The following NKAIN2 variants were observed in gnomAD, a reference collection of about 807,000 sequenced individuals.
NKAIN2 encodes the protein sodium/potassium transporting ATPase interacting 2, also known as sodium/potassium-transporting ATPase subunit beta-1-interacting protein 2.
A neutral mutation model predicts 32.6 loss-of-function variants in NKAIN2; 14 were observed. The observed-to-expected ratio is 0.43, with a 90% CI of 0.28 to 0.67. The LOEUF (loss-of-function observed/expected upper bound fraction) is 0.67, where lower values mean the gene tolerates loss of function less well. NKAIN2 is among the 30% of genes least tolerant of loss of function. The probability of loss-of-function intolerance (pLI) is 0.17; values close to 1 mark genes in which losing one functional copy is unlikely to be tolerated. For synonymous variants in NKAIN2, 80 were observed against 87.2 expected, an observed-to-expected ratio of 0.92 and a Z score of 0.46; for missense variants, 198 against 258.3, an observed-to-expected ratio of 0.77 and a Z score of 1.60.
At chr6:124,656,121 A>G (rs1454399297) in intron 3 of NKAIN2, among the ~76,000 whole-genome samples, 1 of 152,142 alleles carries the variant, frequency 6.6e-6, no homozygotes, top group Non-Finnish European at 1.5e-5. Context: ...ATTTTGAGAA[A>G]AATAACATAA....
intron 1 of NKAIN2, among the ~76,000 whole-genome samples, chr6:124,240,150 A>G (rs1267122471): frequency 6.6e-6 from 1 of 152,208 alleles, no homozygotes; most frequent in Non-Finnish European, 1.5e-5. Flanking sequence ...TCTAGAAGAA[A>G]TGGATAAATT....
chr6:124,653,300 A>G (rs1784428473), intron 3 of NKAIN2, among the ~76,000 whole-genome samples: 1 of 152,114 alleles, frequency 6.6e-6, no homozygotes, highest in Non-Finnish European at 1.5e-5. Flanking sequence ...AGAAGAGACA[A>G]ATAGATCAAT....
chr6:124,075,443 G>C (rs942741390), intron 1 of NKAIN2, among the ~76,000 whole-genome samples: 2 of 152,076 alleles, frequency 1.3e-5, no homozygotes, highest in African/African-American at 4.8e-5. Flanking sequence ...TCTGAAATCT[G>C]TTACTGAAGT....
At chr6:124,279,784 G>A (rs1389527679) in intron 1 of NKAIN2, among the ~76,000 whole-genome samples, 2 of 151,870 alleles carry the variant, frequency 1.3e-5, no homozygotes, top group Non-Finnish European at 2.9e-5. Flanking sequence ...GATATTGATC[G>A]AATACTCAAT....
At chr6:124,169,921 GC>G (rs1788762298) in intron 1 of NKAIN2, among the ~76,000 whole-genome samples, 1 of 152,086 alleles carries the variant, frequency 6.6e-6, no homozygotes, top group African/African-American at 2.4e-5. Context: ...GTCAGCTTGG[GC>G]CGAGGCCTAA....
At chr6:124,720,781 C>T (rs1775975786) in intron 4 of NKAIN2, among the ~76,000 whole-genome samples, 1 of 152,110 alleles carries the variant, frequency 6.6e-6, no homozygotes, top group African/African-American at 2.4e-5. Context: ...CAGGTGGTTC[C>T]ATTTGGTGAA....
At chr6:123,811,681 T>C (rs528042997) in intron 1 of NKAIN2, among the ~76,000 whole-genome samples, 1 of 152,056 alleles carries the variant, frequency 6.6e-6, no homozygotes, top group African/African-American at 2.4e-5. Context: ...AAAGTTAACA[T>C]CTTTACAGTT....
In NKAIN2 at chr6:124,211,607, T is replaced by C. The variant is rs534271828; in HGVS notation, c.55-71398T>C. On this transcript the variant is annotated intron_variant, in intron 1 of 6. Transcript: ENST00000368417. Reference sequence around the variant, plus strand: ...AGAGTTCTTTGCCACCTACCTATATTACTAAGGGCTTCTTTGAGGATTTTG... The same window carrying C: ...AGAGTTCTTTGCCACCTACCTATATCACTAAGGGCTTCTTTGAGGATTTTG... Among the ~76,000 whole-genome samples, 3 of 152,120 alleles carry C rather than the reference T, an allele frequency of 2.0e-5. No individual in the cohort carries two copies. In the South Asian group the frequency reaches 6.2e-4, roughly 31 times the overall value.
chr6:124,567,226 C>A (rs889763156), intron 3 of NKAIN2, among the ~76,000 whole-genome samples: 1 of 152,170 alleles, frequency 6.6e-6, no homozygotes, highest in Non-Finnish European at 1.5e-5. Flanking sequence ...TCTACCTACC[C>A]AGACTGCTTA....
chr6:124,331,445 C>T (rs1056369429), intron 2 of NKAIN2, among the ~76,000 whole-genome samples: 42 of 136,900 alleles, frequency 3.1e-4, no homozygotes, highest in East Asian at 2.2e-4. Context: ...AGGAGAATGG[C>T]GTGAACCTGC....
At chr6:124,343,163 A>T (rs574863545) in intron 2 of NKAIN2, among the ~76,000 whole-genome samples, 2 of 152,162 alleles carry the variant, frequency 1.3e-5, no homozygotes, top group Admixed American at 1.3e-4. Flanking sequence ...ACATGAACTC[A>T]TCATTTTTTA....
At chr6:124,700,785 C>T (rs1774740358) in intron 4 of NKAIN2, among the ~76,000 whole-genome samples, 1 of 151,620 alleles carries the variant, frequency 6.6e-6, no homozygotes, top group Admixed American at 6.6e-5. Flanking sequence ...CATTTTCCAA[C>T]CTCAGATAAC....
intron 4 of NKAIN2, among the ~76,000 whole-genome samples, chr6:124,678,276 A>T (rs140970197): frequency 1.1e-4 from 17 of 152,210 alleles, no homozygotes; most frequent in Non-Finnish European, 2.4e-4. Flanking sequence ...GTTTGGGGGC[A>T]CTATTTTTTC....
intron 1 of NKAIN2, among the ~76,000 whole-genome samples, chr6:124,238,169 A>AG (rs1447333169): frequency 1.3e-5 from 2 of 151,998 alleles, no homozygotes; most frequent in East Asian, 1.9e-4. Context: ...AAGGTTAGCC[A>AG]GGGGGGAAGA....
chr6:124,693,050 C>T (rs1774335651), intron 4 of NKAIN2, among the ~76,000 whole-genome samples: 1 of 152,156 alleles, frequency 6.6e-6, no homozygotes, highest in Non-Finnish European at 1.5e-5. Context: ...ACTTCTATCT[C>T]AAATCACATT....
At chr6:124,711,186 C>T (rs1025520240) in intron 4 of NKAIN2, among the ~76,000 whole-genome samples, 1 of 136,762 alleles carries the variant, frequency 7.3e-6, no homozygotes, top group Non-Finnish European at 1.6e-5. Flanking sequence ...TGTAGCGTTT[C>T]TGCTGAGAGA....
intron 1 of NKAIN2, among the ~76,000 whole-genome samples, chr6:124,151,100 T>A (rs906267088): frequency 1.3e-5 from 2 of 152,044 alleles, no homozygotes; most frequent in African/African-American, 4.8e-5. Flanking sequence ...TCTGATGGGA[T>A]CTTCATATCA....
intron 1 of NKAIN2, among the ~76,000 whole-genome samples, chr6:124,037,533 A>T (rs192663402): frequency 5.9e-5 from 9 of 152,218 alleles, no homozygotes; most frequent in East Asian, 5.8e-4. Context: ...GTCTCATTTT[A>T]AAAAAATTCT....
intron 1 of NKAIN2, among the ~76,000 whole-genome samples, chr6:124,099,885 A>C (rs1784803475): frequency 6.6e-6 from 1 of 152,212 alleles, no homozygotes; most frequent in Admixed American, 6.5e-5. Context: ...AGCCTACACA[A>C]AAAGAAGTAG....
Sources: allele counts gnomAD v4.1 joint callset (sites outside exome capture counted in the v4.1 genomes callset), GRCh38; gene constraint gnomAD v4.1.1; transcripts MANE v1.5; gene names NCBI Gene and HGNC (gene_info 2026-07-23, HGNC 2026-07-21).